SRCIN1: variants seen among roughly 807,000 people sequenced by gnomAD.
SRCIN1 encodes P130Cas-associated protein.
Under a neutral mutation model 116.2 loss-of-function variants are expected in SRCIN1, and 50 were observed. The ratio of observed to expected loss-of-function variants is 0.43; its 90% confidence interval spans 0.34 to 0.54. The LOEUF is 0.54. Ranked by LOEUF, SRCIN1 falls within the 20% of genes least tolerant of loss-of-function variation. The pLI is 0.02. For missense variants in SRCIN1, 1,446 were observed against 1,672.0 expected (o/e 0.86, Z 2.36); for synonymous variants, 736 against 750.0 (o/e 0.98, Z 0.30).
In SRCIN1 at chr17:38,585,973, A is replaced by C. The variant is rs1174081883; in HGVS notation, c.23-7182T>G. On this transcript the variant is annotated intron_variant, in intron 1 of 18. Coordinates refer to ENST00000617146, the MANE Select transcript of SRCIN1 (RefSeq NM_025248.3). This position sits in a 1 kb window ranked among gnomAD's most constrained non-coding sequence, Gnocchi z 4.2. Reference sequence around the variant, plus strand: ...GGTGATCCCCACTCCCTGCCAGCCCAGCCCCACCCCCTGAATGTCAGGCTC... The same window carrying C: ...GGTGATCCCCACTCCCTGCCAGCCCCGCCCCACCCCCTGAATGTCAGGCTC... 5.3e-5 allele frequency among the ~76,000 whole-genome samples: 8 copies of C among 151,996 alleles called. No homozygotes were observed. Among genetic ancestry groups the C allele is most frequent in the Non-Finnish European group, 1.5e-5 (1 of 67,978 alleles).
At chr17:38,595,277 G>A (rs2143431490) in intron 1 of SRCIN1, among the ~76,000 whole-genome samples, 1 of 152,174 alleles carries the variant, frequency 6.6e-6, no homozygotes, top group South Asian at 2.1e-4. Flanking sequence ...GAGTGCGGTG[G>A]CGCAATCTCG....
intron 2 of SRCIN1, among the ~76,000 whole-genome samples, chr17:38,570,875 G>A (rs544124784): frequency 5.2e-5 from 8 of 152,384 alleles, no homozygotes; most frequent in South Asian, 2.1e-4. Context: ...GAGGGGCTGC[G>A]CTTGTGCCGG....
At chr17:38,589,161 C>T (rs1335581648) in intron 1 of SRCIN1, among the ~76,000 whole-genome samples, 4 of 152,236 alleles carry the variant, frequency 2.6e-5, no homozygotes, top group African/African-American at 9.6e-5. Flanking sequence ...GGTGATCCAC[C>T]TGCCTCGGCC....
chr17:38,587,476 C>G (rs1201342942), intron 1 of SRCIN1, among the ~76,000 whole-genome samples: 1 of 152,120 alleles, frequency 6.6e-6, no homozygotes, highest in Non-Finnish European at 1.5e-5. Flanking sequence ...TGCTCTCTCT[C>G]CAGCCAGATG....
In SRCIN1 at chr17:38,563,688, G is replaced by A. The variant is rs1597906272; in HGVS notation, c.542-167C>T. 1 of 969,560 alleles carries A rather than the reference G, an allele frequency of 1.0e-6. No homozygotes were observed. Among genetic ancestry groups the A allele is most frequent in the Non-Finnish European group, 1.6e-6 (1 of 632,330 alleles). The allele number at this position is 969,560 out of a possible 1,614,324, so 60.1% of individuals were successfully genotyped here. ...CCCAGGCACCTCTCATGCTGCCGGC[G>A]GGGGCGCCAGGCCGGCTCTCCAGCC... On this transcript the variant is annotated intron_variant, in intron 4 of 18. Transcript: ENST00000617146. The surrounding 1 kb of genome is among the most constrained non-coding windows in gnomAD (Gnocchi z 5.8).
At chr17:38,534,682 G>A (rs1480369687) in intron 18 of SRCIN1, among the ~76,000 whole-genome samples, 2 of 152,178 alleles carry the variant, frequency 1.3e-5, no homozygotes, top group African/African-American at 2.4e-5. Context: ...AGCAAGCCCT[G>A]TCTCCAGCAG....
At chr17:38,545,796 C>A (rs1366519772) in intron 17 of SRCIN1, among the ~76,000 whole-genome samples, 1 of 152,212 alleles carries the variant, frequency 6.6e-6, no homozygotes, top group Non-Finnish European at 1.5e-5. Context: ...TGACTCGACA[C>A]CAAGGTGGGG....
chr17:38,589,670 G>A (rs534329110), intron 1 of SRCIN1, among the ~76,000 whole-genome samples: 16 of 152,284 alleles, frequency 1.1e-4, no homozygotes, highest in South Asian at 6.2e-4. Flanking sequence ...GGTGCTCAGC[G>A]CCTCCACCAG....
chr17:38,585,217 T>C lies in SRCIN1; in HGVS notation c.23-6426A>G, dbSNP rs888511989. Among the ~76,000 whole-genome samples, 4 of 152,090 alleles carry C rather than the reference T, an allele frequency of 2.6e-5. No homozygotes were observed. The highest frequency in any genetic ancestry group is 9.7e-5 in the African/African-American group (4 of 41,412). The stretch of plus-strand genomic sequence containing the variant: ...TAGGCAGGGCAGCAGGAGAGGAGCA[T>C]GGAGACAGCTGGAAGGGTGGAGGAC... On this transcript the variant is annotated intron_variant, in intron 1 of 18. Transcript: ENST00000617146. This position sits in a 1 kb window ranked among gnomAD's most constrained non-coding sequence, Gnocchi z 4.2.
At chr17:38,567,772 G>A (rs1442491335) in intron 3 of SRCIN1, among the ~76,000 whole-genome samples, 1 of 152,154 alleles carries the variant, frequency 6.6e-6, no homozygotes, top group African/African-American at 2.4e-5. Context: ...AGCCCCCATG[G>A]TGGACAGTAA....
intron 15 of SRCIN1, among the ~76,000 whole-genome samples, chr17:38,550,000 G>A (rs544843022): frequency 6.6e-6 from 1 of 152,358 alleles, no homozygotes; most frequent in African/African-American, 2.4e-5. Flanking sequence ...CTTTAGGGAA[G>A]CCTTCCTGCC....
Position 38,572,558 on chromosome 17 carries a change from C to T in SRCIN1, c.325-4327G>A, listed in dbSNP as rs1907156877. ...GGAACCTGCAATGGCCTGGACGTCC[C>T]CCACCCCTGGATGGCTCTCGGTGCC... On this transcript the variant is annotated intron_variant, in intron 2 of 18. Transcript: ENST00000617146. This position sits in a 1 kb window ranked among gnomAD's most constrained non-coding sequence, Gnocchi z 4.3. The T allele has an allele frequency of 6.6e-6, 1 of 151,856 alleles. No homozygotes were observed. The highest frequency in any genetic ancestry group is 2.4e-5 in the African/African-American group (1 of 41,318). The allele number at this position is 151,856 out of a possible 1,614,324, so 9.4% of individuals were successfully genotyped here.
intron 1 of SRCIN1, among the ~76,000 whole-genome samples, chr17:38,592,201 T>C (rs920829220): frequency 1.3e-5 from 2 of 152,084 alleles, no homozygotes; most frequent in Admixed American, 6.5e-5. Context: ...CAGACAGTAA[T>C]TATGGGGGAA....
At chr17:38,567,032 CT>C (rs1773640778) in intron 3 of SRCIN1, among the ~76,000 whole-genome samples, 1 of 152,130 alleles carries the variant, frequency 6.6e-6, no homozygotes, top group South Asian at 2.1e-4. Flanking sequence ...ACATAGCTCA[CT>C]GCAGCCTCAA....
intron 17 of SRCIN1, among the ~76,000 whole-genome samples, chr17:38,547,339 C>T (rs1876614839): frequency 6.6e-6 from 1 of 152,136 alleles, no homozygotes. Context: ...GGCAAGGGCT[C>T]AGGACAAGGT....
intron 1 of SRCIN1, among the ~76,000 whole-genome samples, chr17:38,597,356 C>A (rs570329898): frequency 6.6e-6 from 1 of 152,352 alleles, no homozygotes; most frequent in East Asian, 1.9e-4. Flanking sequence ...AGGTGAGGAT[C>A]TGGGTTTTCA....
At chr17:38,589,310 C>G (rs937388482) in intron 1 of SRCIN1, among the ~76,000 whole-genome samples, 4 of 152,242 alleles carry the variant, frequency 2.6e-5, no homozygotes, top group Admixed American at 1.3e-4. Flanking sequence ...ACTCTGCCAC[C>G]TTAGATGCCA....
chr17:38,535,206 T>C (rs1447734693), intron 18 of SRCIN1, among the ~76,000 whole-genome samples: 2 of 134,958 alleles, frequency 1.5e-5, no homozygotes, highest in Admixed American at 6.8e-5. Flanking sequence ...TTTCTTTTTC[T>C]TTCTTTTTTT....
At chr17:38,551,782 A>T (rs1244646749) in intron 14 of SRCIN1, 104 bp downstream of exon 14, 1 of 1,589,568 alleles carries the variant, frequency 6.3e-7, no homozygotes, top group African/African-American at 1.3e-5. Context: ...TCCTCCCCCA[A>T]GGAAAAAGAC....
Sources: gnomAD v4.1 joint callset for allele counts (sites outside exome capture counted in the v4.1 genomes callset) on GRCh38, gnomAD v4.1.1 for gene constraint, Gnocchi (gnomAD v3.1) non-coding constraint, MANE v1.5 for transcripts, NCBI Gene and HGNC (gene_info 2026-07-23, HGNC 2026-07-21) for gene names.